The following GLS2 variants were observed in gnomAD, a reference collection of about 807,000 sequenced individuals.
GLS2 encodes glutaminase 2.
Under a neutral mutation model 79.0 loss-of-function variants are expected in GLS2, and 52 were observed. The observed-to-expected ratio is 0.66, with a 90% CI of 0.53 to 0.83. The LOEUF (loss-of-function observed/expected upper bound fraction) is 0.83. Ranked by LOEUF, GLS2 falls within the 40% of genes least tolerant of loss-of-function variation. GLS2 has a pLI of 0.00. For synonymous variants in GLS2, 238 were observed against 280.8 expected (o/e 0.85, Z 1.52); for missense variants, 561 against 764.8 (o/e 0.73, Z 3.14).
At chr12:56,472,773 C>T in intron 14 of GLS2, 22 bp from the exon 15 acceptor site, 2 of 1,612,046 alleles carry the variant, frequency 1.2e-6, no homozygotes, top group Non-Finnish European at 1.7e-6. Context: ...ATCATACCCA[C>T]ATGACATTAA....
rs1296277177 is a variant in GLS2, at chr12:56,484,672, A to C, written c.182+3265T>G. Among the ~76,000 whole-genome samples the C allele has an allele frequency of 1.3e-5, 2 of 152,214 alleles. 1 individual carries two copies. Among genetic ancestry groups the C allele is most frequent in the African/African-American group, 4.8e-5 (2 of 41,450 alleles). ...TGCCTGGAAGCCAACAGAAGACAGG[A>C]AATAATGCTATACCACTGAATGTAT... On this transcript the variant is annotated intron_variant, in intron 1 of 17. Coordinates refer to ENST00000311966, the MANE Select transcript of GLS2 (RefSeq NM_013267.4).
At chr12:56,484,138 C>T (rs1027925042) in intron 1 of GLS2, among the ~76,000 whole-genome samples, 16 of 152,184 alleles carry the variant, frequency 1.1e-4, no homozygotes, top group East Asian at 3.9e-4. Context: ...GGTGTGGTGG[C>T]GCGCACCTGT....
At chr12:56,472,294 G>T (rs560750300) in intron 15 of GLS2, 99 bp from the exon 16 acceptor site, 1 of 1,093,542 alleles carries the variant, frequency 9.1e-7, no homozygotes, top group South Asian at 1.3e-5. Flanking sequence ...TTCAGAGAAA[G>T]TGAAACAGCC....
chr12:56,485,583 T>A (rs551974898), intron 1 of GLS2, among the ~76,000 whole-genome samples: 2 of 152,296 alleles, frequency 1.3e-5, no homozygotes, highest in East Asian at 3.9e-4. Flanking sequence ...ATATATTTTT[T>A]AATTGAAACA....
chr12:56,475,209 C>A (rs1051964866), intron 9 of GLS2, 99 bp from the exon 10 acceptor site: 2 of 1,603,206 alleles, frequency 1.2e-6, no homozygotes, highest in Middle Eastern at 1.7e-4. Flanking sequence ...TACATCACAC[C>A]ACAAACTAAA....
At chr12:56,477,399 G>A (rs1023702491) in intron 7 of GLS2, 6 of 338,522 alleles carry the variant, frequency 1.8e-5, no homozygotes, top group African/African-American at 1.3e-4. Flanking sequence ...ACTTCTCTAA[G>A]GGTCAGAAAG....
chr12:56,473,956 AG>A (rs1365633480), intron 12 of GLS2: 12 of 197,160 alleles, frequency 6.1e-5, no homozygotes, highest in Non-Finnish European at 8.3e-5. Flanking sequence ...ATAGAGGTAG[AG>A]GGGGGCCACA....
intron 1 of GLS2, among the ~76,000 whole-genome samples, chr12:56,485,754 A>T (rs1870629644): frequency 6.6e-6 from 1 of 152,064 alleles, no homozygotes. Flanking sequence ...TTAAAGTCAT[A>T]AATATGGCCC....
intron 9 of GLS2, chr12:56,475,402 C>A: frequency 5.6e-6 from 4 of 713,810 alleles, no homozygotes; most frequent in Admixed American, 2.9e-5. Flanking sequence ...AGGCACAAAC[C>A]ATCACACTGC....
At position 56,479,891 on chromosome 12, in the gene GLS2, G is replaced by C; in HGVS notation, c.293C>G (p.Ala98Gly). The change falls in exon 3 of 18, where the codon GCC (alanine) becomes GGC (glycine). Residue 98 changes from alanine (A) to glycine (G), a missense_variant. Ala to Gly is a moderately conservative substitution (Grantham distance 60). Transcript: ENST00000311966. ...AGGATCTGATGTCTGCAGTCCAGTG[G>C]CCTTTAGTGCCTTTAGAGGAAAGAA... ...PIHKFTTALK[A>G]TGLQTSDPRL... 1.2e-6 allele frequency: 2 copies of C among 1,613,056 alleles called. No homozygotes were observed. The highest frequency in any genetic ancestry group is 8.5e-7 in the Non-Finnish European group (1 of 1,179,806).
intron 16 of GLS2, 37 bp downstream of exon 16, chr12:56,472,082 G>A: frequency 1.2e-6 from 2 of 1,603,216 alleles, no homozygotes; most frequent in Non-Finnish European, 1.7e-6. Flanking sequence ...AGGGTCTTAT[G>A]ATTACCCTCC....
chr12:56,471,419 G>A lies in GLS2; in HGVS notation c.*68C>T, dbSNP rs764210976. 1.3e-6 allele frequency: 2 copies of A among 1,489,468 alleles called. No individual in the cohort carries two copies. The highest frequency in any genetic ancestry group is 1.8e-6 in the Non-Finnish European group (2 of 1,105,788). 92.3% of individuals were successfully genotyped at this position (1,489,468 alleles called of 1,614,324 possible). ...AGTGTAGCTCTCCATAGTATTTTTG[G>A]TGGTTATGGATTACATGTGTGGCCA... is the stretch of plus-strand genomic sequence containing the variant. On this transcript the variant is annotated 3_prime_UTR_variant, in exon 18 of 18. Transcript: ENST00000311966.
intron 7 of GLS2, 27 bp from the exon 8 acceptor site, chr12:56,476,004 A>G (rs988007062): frequency 6.2e-7 from 1 of 1,609,316 alleles, no homozygotes. Flanking sequence ...AGATGTCAGC[A>G]TTCTAAGTGT....
chr12:56,479,735 AG>A (rs1365179101), intron 3 of GLS2, 44 bp downstream of exon 3: 2 of 1,554,690 alleles, frequency 1.3e-6, no homozygotes, highest in Admixed American at 3.8e-5. Context: ...CTATGTCCAC[AG>A]GACAGTTTTC....
rs1366100265 is a variant in GLS2, at chr12:56,488,143, A to G, written c.-25T>C. Reference sequence around the variant, plus strand: ...TGCCCCAGCAAGCCTCCGGCTCTGCAGGTGCGCCCGGGACCTCTAGCTGTG... The same window carrying G: ...TGCCCCAGCAAGCCTCCGGCTCTGCGGGTGCGCCCGGGACCTCTAGCTGTG... On this transcript the variant is annotated 5_prime_UTR_variant, in exon 1 of 18. Coordinates refer to ENST00000311966, the MANE Select transcript of GLS2 (RefSeq NM_013267.4). 3 of 1,516,054 alleles carry G rather than the reference A, an allele frequency of 2.0e-6. No individual in the cohort carries two copies. Among genetic ancestry groups the G allele is most frequent in the Non-Finnish European group, 2.6e-6 (3 of 1,141,382 alleles). The allele number at this position is 1,516,054 out of a possible 1,614,324, so 93.9% of individuals were successfully genotyped here.
At chr12:56,480,482 C>T in intron 1 of GLS2, 95 bp from the exon 2 acceptor site, 1 of 877,448 alleles carries the variant, frequency 1.1e-6, no homozygotes, top group Non-Finnish European at 1.9e-6. Flanking sequence ...GGTGAGTGTC[C>T]TCATTCTATG....
chr12:56,478,986 G>GA (rs34646954), intron 4 of GLS2, 66 bp downstream of exon 4: 121,690 of 1,331,844 alleles, frequency 0.091, 273 homozygotes, highest in Non-Finnish European at 0.1. Flanking sequence ...TCTGTCTCAG[G>GA]AAAAAAAAAA....
In GLS2 at chr12:56,473,593, A is replaced by G; in HGVS notation, c.1226T>C (p.Val409Ala). 1 of 1,609,504 alleles carries G rather than the reference A, an allele frequency of 6.2e-7. No homozygotes were observed. Among genetic ancestry groups the G allele is most frequent in the Non-Finnish European group, 8.5e-7 (1 of 1,178,308 alleles). ...TACAGCTGACTTGGCTGGCAGGCCC[A>G]CCTGGGGAACAGAACTGAAGCTGAG... ...YDFSGQFAFH[V>A]GLPAKSAVSG... Residue 409 changes from valine (V) to alanine (A), a missense_variant and splice_region_variant, in exon 13 of 18, where the codon GTG (valine) becomes GCG (alanine). By Grantham distance (64) the Val-to-Ala change is moderately conservative. Around this residue, in one of 4 missense-constraint regions of GLS2, gnomAD observed 221 missense variants for 275.6 expected, o/e 0.80. Transcript: ENST00000311966.
chr12:56,471,549 C>G lies in GLS2; in HGVS notation c.1747G>C (p.Glu583Gln), dbSNP rs1869260315. ...QDYQDSYTLS[E>Q]TQAEAAAEAL... The stretch of plus-strand genomic sequence containing the variant: ...TCAGCTGCTGCCTCAGCCTGAGTTT[C>G]AGAGAGTGTGTAGGAGTCCTGGTAA... The change falls in exon 18 of 18, where the codon GAA becomes CAA. Residue 583 changes from glutamate to glutamine, a missense_variant. By Grantham distance (29) the Glu-to-Gln change is conservative. Around this residue, in one of 4 missense-constraint regions of GLS2, gnomAD observed 136 missense variants for 228.6 expected, o/e 0.59. Coordinates refer to ENST00000311966, the MANE Select transcript of GLS2 (RefSeq NM_013267.4). The G allele has an allele frequency of 1.2e-6, 2 of 1,614,014 alleles. No homozygotes were observed. The highest frequency in any genetic ancestry group is 2.7e-5 in the African/African-American group (2 of 74,918).
Sources: allele counts gnomAD v4.1 joint callset (sites outside exome capture counted in the v4.1 genomes callset), GRCh38; gene constraint gnomAD v4.1.1; regional missense constraint gnomAD v4.1.1; transcripts MANE v1.5; gene names NCBI Gene and HGNC (gene_info 2026-07-23, HGNC 2026-07-21).